HYCC2: variants seen among roughly 807,000 people sequenced by gnomAD.
HYCC2 encodes the protein hyccin PI4KA lipid kinase complex subunit 2.
chr2:201,011,879 A>G, the HYCC2 span, among the ~76,000 whole-genome samples: 1 of 152,240 alleles, frequency 6.6e-6, no homozygotes, highest in Non-Finnish European at 1.5e-5. Context: ...AGAGATCCAC[A>G]CTTACGAAAA....
chr2:201,036,590 C>T, the HYCC2 span, among the ~76,000 whole-genome samples: 46 of 152,322 alleles, frequency 3.0e-4, no homozygotes, highest in African/African-American at 7.2e-4. Context: ...GCTGGTTCAA[C>T]AAACGCAAAT....
At chr2:200,987,295 G>T in the HYCC2 span, 1 of 1,211,996 alleles carries the variant, frequency 8.3e-7, no homozygotes, top group Non-Finnish European at 1.1e-6. Flanking sequence ...TGCTCTGCTT[G>T]GGGATAGAGA....
At chr2:200,981,407 G>A in the HYCC2 span, 24 of 1,613,978 alleles carry the variant, frequency 1.5e-5, no homozygotes, top group Non-Finnish European at 1.9e-5. This position sits in a 1 kb window ranked among gnomAD's most constrained non-coding sequence, Gnocchi z 4.5. Context: ...GTTGAGTATC[G>A]ATTAGCATTG....
chr2:201,070,945 G>C, the HYCC2 span, among the ~76,000 whole-genome samples: 1 of 152,126 alleles, frequency 6.6e-6, no homozygotes, highest in East Asian at 1.9e-4. Context: ...ATTGGGATAA[G>C]CTCTTCGTGA....
the HYCC2 span, among the ~76,000 whole-genome samples, chr2:200,986,187 G>C: frequency 2.0e-5 from 3 of 152,130 alleles, no homozygotes; most frequent in Non-Finnish European, 1.5e-5. Flanking sequence ...AACTTTTTTG[G>C]GTCCCTAGGT....
chr2:201,023,982 CCACAA>C, the HYCC2 span: 1 of 1,613,432 alleles, frequency 6.2e-7, no homozygotes, highest in Non-Finnish European at 8.5e-7. Context: ...AACCATTCTT[CCACAA>C]CACAACGGTC....
chr2:200,988,714 T>G, the HYCC2 span, among the ~76,000 whole-genome samples: 2 of 152,218 alleles, frequency 1.3e-5, no homozygotes, highest in African/African-American at 4.8e-5. Flanking sequence ...AATTGTCTGA[T>G]TCTTCAGATG....
At chr2:201,029,045 G>T in the HYCC2 span, among the ~76,000 whole-genome samples, 1 of 152,122 alleles carries the variant, frequency 6.6e-6, no homozygotes, top group East Asian at 1.9e-4. Flanking sequence ...GAAAATTTTT[G>T]CAATCTACCC....
chr2:201,005,258 T>C, the HYCC2 span, among the ~76,000 whole-genome samples: 4 of 152,244 alleles, frequency 2.6e-5, no homozygotes, highest in East Asian at 7.7e-4. Flanking sequence ...CAATTATCAC[T>C]GGAGAGATTC....
chr2:201,011,360 T>A, the HYCC2 span: 1 of 1,265,162 alleles, frequency 7.9e-7, no homozygotes, highest in South Asian at 1.4e-5. Flanking sequence ...CAATATAATT[T>A]AAAATAATTC....
chr2:201,065,329 T>C, the HYCC2 span, among the ~76,000 whole-genome samples: 2 of 152,260 alleles, frequency 1.3e-5, no homozygotes, highest in Non-Finnish European at 2.9e-5. Flanking sequence ...AGATGCACTA[T>C]AGTCTATTTA....
chr2:201,013,763 C>CA, the HYCC2 span, among the ~76,000 whole-genome samples: 7 of 152,074 alleles, frequency 4.6e-5, no homozygotes, highest in African/African-American at 1.7e-4. Flanking sequence ...TTAAGTTAAG[C>CA]AAAAATGTTT....
At chr2:201,003,987 G>C in the HYCC2 span, among the ~76,000 whole-genome samples, 1 of 151,524 alleles carries the variant, frequency 6.6e-6, no homozygotes, top group Admixed American at 6.6e-5. Context: ...CTAATTTTTT[G>C]TATTTTTAGT....
the HYCC2 span, chr2:200,992,462 A>G: frequency 1.1e-6 from 1 of 876,240 alleles, no homozygotes; most frequent in Admixed American, 2.1e-5. Flanking sequence ...TTTGGTTGTG[A>G]AGCAAAACTT....
chr2:201,040,539 A>G, the HYCC2 span, among the ~76,000 whole-genome samples: 1 of 150,288 alleles, frequency 6.7e-6, no homozygotes, highest in African/African-American at 2.5e-5. Context: ...CCCAGGCTGG[A>G]GTGCAGTGGC....
At chr2:201,066,023 T>C in the HYCC2 span, among the ~76,000 whole-genome samples, 1 of 152,152 alleles carries the variant, frequency 6.6e-6, no homozygotes, top group South Asian at 2.1e-4. Flanking sequence ...TACTGTAAAA[T>C]ACTGCAAATT....
At chr2:201,063,555 A>G in the HYCC2 span, 2 of 1,586,932 alleles carry the variant, frequency 1.3e-6, no homozygotes, top group Admixed American at 1.7e-5. Flanking sequence ...TTTGATGACC[A>G]TGACTCCGTG....
At chr2:200,982,074 T>G in the HYCC2 span, among the ~76,000 whole-genome samples, 1 of 152,144 alleles carries the variant, frequency 6.6e-6, no homozygotes, top group Non-Finnish European at 1.5e-5. Context: ...TTTAGCTTTA[T>G]TTAGTCCAGT....
At chr2:201,042,059 T>C in the HYCC2 span, among the ~76,000 whole-genome samples, 1 of 152,170 alleles carries the variant, frequency 6.6e-6, no homozygotes, top group African/African-American at 2.4e-5. Flanking sequence ...CCTCCCTGCC[T>C]GATTCTCCTG....
Sources: gnomAD v4.1 joint callset for allele counts (sites outside exome capture counted in the v4.1 genomes callset) on GRCh38, gnomAD v4.1.1 for gene constraint, Gnocchi (gnomAD v3.1) non-coding constraint, MANE v1.5 for transcripts, NCBI Gene and HGNC (gene_info 2026-07-23, HGNC 2026-07-21) for gene names.